The following HS3ST4 variants were observed in gnomAD, a reference collection of about 807,000 sequenced individuals.
The protein encoded by HS3ST4 is heparan sulfate-glucosamine 3-sulfotransferase 4.
In HS3ST4, 17 loss-of-function variants were observed where a neutral mutation model predicts 29.2. The observed-to-expected ratio is 0.58, with a 90% CI of 0.40 to 0.87. The LOEUF (loss-of-function observed/expected upper bound fraction) is 0.87. HS3ST4 is among the 40% of genes least tolerant of loss of function. The pLI is 0.00. For synonymous variants in HS3ST4, 314 were observed against 285.7 expected, an observed-to-expected ratio of 1.10 and a Z score of -1.00; for missense variants, 627 against 634.5, an observed-to-expected ratio of 0.99 and a Z score of 0.13.
At chr16:25,884,368 T>TGGCCACCC (rs1567264260) in intron 1 of HS3ST4, among the ~76,000 whole-genome samples, 1 of 152,206 alleles carries the variant, frequency 6.6e-6, no homozygotes, top group Non-Finnish European at 1.5e-5. Context: ...AATTCATCAC[T>TGGCCACCC]GGCCACCTTG....
At chr16:26,054,886 A>G (rs1230732307) in intron 1 of HS3ST4, among the ~76,000 whole-genome samples, 2 of 151,916 alleles carry the variant, frequency 1.3e-5, no homozygotes, top group African/African-American at 2.4e-5. Flanking sequence ...TGACCACAGA[A>G]AGGTGTTTTC....
intron 1 of HS3ST4, among the ~76,000 whole-genome samples, chr16:25,964,401 A>G (rs1968823546): frequency 6.6e-6 from 1 of 152,136 alleles, no homozygotes; most frequent in African/African-American, 2.4e-5. Flanking sequence ...TAAATAAGTA[A>G]ATAATAAAAA....
At chr16:25,918,304 G>T (rs1398462203) in intron 1 of HS3ST4, among the ~76,000 whole-genome samples, 2 of 152,156 alleles carry the variant, frequency 1.3e-5, no homozygotes, top group Non-Finnish European at 2.9e-5. Context: ...CTGACCCTCA[G>T]CCTATTATAA....
At chr16:25,697,091 C>T (rs901486254) in intron 1 of HS3ST4, among the ~76,000 whole-genome samples, 3 of 152,150 alleles carry the variant, frequency 2.0e-5, no homozygotes, top group Admixed American at 2.0e-4. Context: ...GAAGCATATA[C>T]CCTGTGTTCA....
intron 1 of HS3ST4, among the ~76,000 whole-genome samples, chr16:26,108,911 A>T (rs4238941): frequency 0.78 from 118,436 of 151,962 alleles, 46,619 homozygotes; most frequent in Middle Eastern, 0.85. Flanking sequence ...TGAGCATTGG[A>T]GCCTAATGGG....
At chr16:25,964,316 A>G (rs932251147) in intron 1 of HS3ST4, among the ~76,000 whole-genome samples, 1 of 152,188 alleles carries the variant, frequency 6.6e-6, no homozygotes, top group Non-Finnish European at 1.5e-5. Context: ...GTTGTACTCC[A>G]GACCTCAGCA....
chr16:25,752,073 C>A (rs1264381147), intron 1 of HS3ST4, among the ~76,000 whole-genome samples: 1 of 151,990 alleles, frequency 6.6e-6, no homozygotes, highest in African/African-American at 2.4e-5. Flanking sequence ...ATCAGACCAG[C>A]TTTGGAATAC....
intron 1 of HS3ST4, among the ~76,000 whole-genome samples, chr16:26,128,577 T>C (rs537671679): frequency 6.6e-6 from 1 of 152,322 alleles, no homozygotes; most frequent in South Asian, 2.1e-4. Flanking sequence ...AGTCTCCAAA[T>C]GGTTTGACTT....
chr16:25,924,920 C>A (rs1287402610), intron 1 of HS3ST4, among the ~76,000 whole-genome samples: 1 of 152,052 alleles, frequency 6.6e-6, no homozygotes, highest in Non-Finnish European at 1.5e-5. Flanking sequence ...TCTCTGACTC[C>A]ATTAGGGTGC....
At chr16:25,780,145 C>G (rs749017604) in intron 1 of HS3ST4, among the ~76,000 whole-genome samples, 1 of 152,306 alleles carries the variant, frequency 6.6e-6, no homozygotes, top group South Asian at 2.1e-4. Context: ...AATTCCTGGG[C>G]TTGTAGCTTC....
intron 1 of HS3ST4, among the ~76,000 whole-genome samples, chr16:26,031,004 G>A (rs553224726): frequency 1.3e-5 from 2 of 152,216 alleles, no homozygotes; most frequent in Non-Finnish European, 2.9e-5. Context: ...AGAAGTATTT[G>A]TGAAGGATAG....
chr16:25,858,693 C>T (rs1596593307), intron 1 of HS3ST4, among the ~76,000 whole-genome samples: 2 of 152,080 alleles, frequency 1.3e-5, no homozygotes, highest in African/African-American at 2.4e-5. Flanking sequence ...TTTGTCTACT[C>T]ATGCTTTCTA....
chr16:25,923,328 C>T lies in HS3ST4; in HGVS notation c.735-212284C>T, dbSNP rs200968676. Among the ~76,000 whole-genome samples the T allele has an allele frequency of 5.8e-4, 88 of 152,298 alleles. No individual in the cohort carries two copies. The East Asian group carries it at 0.012, about 21-fold the overall frequency. On this transcript the variant is annotated intron_variant, in intron 1 of 1. Coordinates refer to ENST00000331351, the MANE Select transcript of HS3ST4 (RefSeq NM_006040.3). ...GTATTAAACAAAGTTATTAAATGCA[C>T]GCCCTCAGCCAAGATTGCCTTATTC... is the stretch of plus-strand genomic sequence containing the variant.
At chr16:25,756,154 G>A (rs35754967) in intron 1 of HS3ST4, among the ~76,000 whole-genome samples, 2,254 of 132,590 alleles carry the variant, frequency 0.017, 28 homozygotes, top group Middle Eastern at 0.031. Context: ...ACACACACAC[G>A]CACACACACA....
intron 1 of HS3ST4, among the ~76,000 whole-genome samples, chr16:25,959,567 A>G (rs1351854465): frequency 6.6e-6 from 1 of 152,226 alleles, no homozygotes; most frequent in East Asian, 1.9e-4. Flanking sequence ...GCCAGATCAC[A>G]TTGCAGAAAA....
chr16:25,754,573 A>G (rs548107107), intron 1 of HS3ST4, among the ~76,000 whole-genome samples: 1 of 152,258 alleles, frequency 6.6e-6, no homozygotes, highest in Admixed American at 6.5e-5. Context: ...TTGACTCACA[A>G]TTCTGCATTG....
chr16:25,936,032 AAAG>A (rs1418363543), intron 1 of HS3ST4, among the ~76,000 whole-genome samples: 1 of 152,156 alleles, frequency 6.6e-6, no homozygotes, highest in Non-Finnish European at 1.5e-5. Context: ...TTGGCCTCCA[AAAG>A]TGCTGGGATT....
At chr16:25,838,911 G>A (rs1049674977) in intron 1 of HS3ST4, among the ~76,000 whole-genome samples, 1 of 152,130 alleles carries the variant, frequency 6.6e-6, no homozygotes, top group Non-Finnish European at 1.5e-5. Flanking sequence ...GCCACTAGGT[G>A]TCACTGTTCT....
intron 1 of HS3ST4, among the ~76,000 whole-genome samples, chr16:26,059,288 T>C (rs1596666621): frequency 6.6e-6 from 1 of 151,872 alleles, no homozygotes; most frequent in South Asian, 2.1e-4. Flanking sequence ...CTTGTCCCCC[T>C]CTCTCTCTTC....
Sources: allele counts gnomAD v4.1 joint callset (sites outside exome capture counted in the v4.1 genomes callset), GRCh38; gene constraint gnomAD v4.1.1; transcripts MANE v1.5; gene names NCBI Gene and HGNC (gene_info 2026-07-23, HGNC 2026-07-21).